Variants in CSMD1 observed in about 807,000 individuals in gnomAD.
CSMD1 encodes the protein CUB and Sushi multiple domains 1, also known as CUB and sushi domain-containing protein 1.
CSMD1 carries 213 observed loss-of-function variants against 417.5 expected under a neutral mutation model. The observed-to-expected ratio is 0.51, with a 90% CI of 0.46 to 0.57. The LOEUF (loss-of-function observed/expected upper bound fraction) is 0.57. Ranked by LOEUF, CSMD1 falls within the 20% of genes least tolerant of loss-of-function variation. The pLI is 0.00. For synonymous variants in CSMD1, 2,862 were observed against 1,736.8 expected (o/e 1.65, Z -16.11); for missense variants, 6,923 against 4,529.7 (o/e 1.53, Z -15.17).
At chr8:3,835,283 G>A (rs1247995955) in intron 5 of CSMD1, among the ~76,000 whole-genome samples, 1 of 152,020 alleles carries the variant, frequency 6.6e-6, no homozygotes, top group Non-Finnish European at 1.5e-5. Context: ...GTTTACTGCG[G>A]CACTATTCAC....
chr8:3,521,837 A>G (rs1427623327), intron 10 of CSMD1, among the ~76,000 whole-genome samples: 2 of 152,240 alleles, frequency 1.3e-5, no homozygotes, highest in African/African-American at 2.4e-5. Context: ...TAAGAAATGT[A>G]TATTATCATA....
chr8:3,505,048 G>A (rs576045107), intron 10 of CSMD1, among the ~76,000 whole-genome samples: 1 of 152,234 alleles, frequency 6.6e-6, no homozygotes, highest in South Asian at 2.1e-4. Context: ...CATAAGATGG[G>A]AGAATAAGCT....
At chr8:3,382,534 T>TATATATATAAATTTATATAAATAC (rs1440125106) in intron 18 of CSMD1, among the ~76,000 whole-genome samples, 2 of 120,132 alleles carry the variant, frequency 1.7e-5, no homozygotes, top group East Asian at 4.1e-4. Flanking sequence ...TATATAAATA[T>TATATATATAAATTTATATAAATAC]ATATTTATTA....
chr8:4,259,056 T>G (rs1194229961), intron 3 of CSMD1, among the ~76,000 whole-genome samples: 1 of 152,194 alleles, frequency 6.6e-6, no homozygotes, highest in Non-Finnish European at 1.5e-5. Context: ...GCAAAGACCC[T>G]GCTTTGAGTT....
At chr8:4,860,272 G>T (rs1301113079) in intron 1 of CSMD1, among the ~76,000 whole-genome samples, 2 of 110,100 alleles carry the variant, frequency 1.8e-5, no homozygotes, top group African/African-American at 6.9e-5. Flanking sequence ...GGGGTGGGGG[G>T]AGGGGGGAGG....
chr8:3,311,038 C>G (rs1009418661), intron 23 of CSMD1, among the ~76,000 whole-genome samples: 2 of 152,116 alleles, frequency 1.3e-5, no homozygotes, highest in East Asian at 1.9e-4. Context: ...AGGTTACGTC[C>G]CAATAAACCC....
At chr8:3,404,230 A>C (rs1035691672) in intron 15 of CSMD1, among the ~76,000 whole-genome samples, 3 of 151,966 alleles carry the variant, frequency 2.0e-5, no homozygotes, top group African/African-American at 7.3e-5. Flanking sequence ...GTTACTCAGG[A>C]AGGCTGAGGC....
At chr8:4,233,769 A>G (rs1801881779) in intron 3 of CSMD1, among the ~76,000 whole-genome samples, 1 of 152,190 alleles carries the variant, frequency 6.6e-6, no homozygotes, top group Non-Finnish European at 1.5e-5. Context: ...ATGCACAAAT[A>G]ATATCTGAGA....
chr8:3,825,267 C>T (rs1055694794), intron 5 of CSMD1, among the ~76,000 whole-genome samples: 27 of 152,228 alleles, frequency 1.8e-4, no homozygotes, highest in Non-Finnish European at 3.5e-4. Flanking sequence ...TGGTGGCTCA[C>T]GCCTGTAATC....
chr8:4,659,501 C>G (rs931335477), intron 1 of CSMD1, among the ~76,000 whole-genome samples: 1 of 152,074 alleles, frequency 6.6e-6, no homozygotes, highest in African/African-American at 2.4e-5. Context: ...CATGGATGAA[C>G]CTTGAAAACA....
At chr8:4,060,910 C>G (rs866560586) in intron 3 of CSMD1, among the ~76,000 whole-genome samples, 2 of 152,166 alleles carry the variant, frequency 1.3e-5, no homozygotes, top group Middle Eastern at 3.4e-3. Flanking sequence ...AGCCTGTTTC[C>G]CATTTGCAGT....
chr8:3,365,061 A>C (rs1395180883), intron 20 of CSMD1, among the ~76,000 whole-genome samples: 2 of 152,200 alleles, frequency 1.3e-5, no homozygotes, highest in Non-Finnish European at 2.9e-5. Flanking sequence ...TTGGGTCCTG[A>C]TGAAAGTAAG....
intron 5 of CSMD1, among the ~76,000 whole-genome samples, chr8:3,902,565 C>T (rs539884947): frequency 6.6e-6 from 1 of 152,062 alleles, no homozygotes; most frequent in East Asian, 1.9e-4. Context: ...CCATTGCATG[C>T]TCAGTTCACA....
At chr8:4,238,812 T>C (rs537261693) in intron 3 of CSMD1, among the ~76,000 whole-genome samples, 1 of 152,184 alleles carries the variant, frequency 6.6e-6, no homozygotes, top group South Asian at 2.1e-4. Context: ...TGTAAATGCT[T>C]TGGCCCACAC....
intron 3 of CSMD1, among the ~76,000 whole-genome samples, chr8:4,318,977 T>C (rs1799102984): frequency 6.6e-6 from 1 of 152,170 alleles, no homozygotes; most frequent in Admixed American, 6.5e-5. Context: ...TGACAATCTA[T>C]CATCTTCATA....
At chr8:3,371,085 G>C (rs1809917195) in intron 18 of CSMD1, among the ~76,000 whole-genome samples, 1 of 152,152 alleles carries the variant, frequency 6.6e-6, no homozygotes, top group South Asian at 2.1e-4. Flanking sequence ...ATCAGACCCA[G>C]AACATACATC....
chr8:3,182,840 AGGTGTGTGT>A (rs1195503861), intron 36 of CSMD1, among the ~76,000 whole-genome samples: 2 of 45,168 alleles, frequency 4.4e-5, no homozygotes, highest in East Asian at 1.5e-3. Context: ...CTTTATAAGA[AGGTGTGTGT>A]GTGTGTGTGT....
chr8:4,039,901 T>C (rs1384712282), intron 3 of CSMD1, among the ~76,000 whole-genome samples: 1 of 152,198 alleles, frequency 6.6e-6, no homozygotes, highest in Admixed American at 6.5e-5. Context: ...AGTTTCTACA[T>C]CTTAGAAAGG....
rs541401296 is a variant in CSMD1 at position 4,212,543 on chromosome 8, CT to C, written c.416-180445del. Among the ~76,000 whole-genome samples, 80 of 150,536 alleles carry C rather than the reference CT, an allele frequency of 5.3e-4. 1 individual carries two copies. The South Asian group carries it at 6.7e-3, about 13-fold the overall frequency. On this transcript the variant is annotated intron_variant, in intron 3 of 69. Coordinates refer to ENST00000635120, the MANE Select transcript of CSMD1 (RefSeq NM_033225.6). Reference sequence around the variant, plus strand: ...ATTATAAAATTTTGAAATTTGTAGCCTTTTTTTTTCTAAAATAAAGAATAGT... The same window carrying C: ...ATTATAAAATTTTGAAATTTGTAGCCTTTTTTTTCTAAAATAAAGAATAGT...
Sources: allele counts gnomAD v4.1 joint callset (sites outside exome capture counted in the v4.1 genomes callset), GRCh38; gene constraint gnomAD v4.1.1; transcripts MANE v1.5; gene names NCBI Gene and HGNC (gene_info 2026-07-23, HGNC 2026-07-21).